SRRM2: variants seen among roughly 807,000 people sequenced by gnomAD.
SRRM2 encodes serine/arginine repetitive matrix 2.
In SRRM2, 30 loss-of-function variants were observed where a neutral mutation model predicts 213.8. The observed-to-expected ratio is 0.14, with a 90% confidence interval of 0.10 to 0.19. The LOEUF is 0.19. Ranked by LOEUF, SRRM2 falls within the 10% of genes least tolerant of loss-of-function variation. The pLI is 1.00. For missense variants in SRRM2, 4,904 were observed against 3,647.0 expected, an observed-to-expected ratio of 1.34 and a Z score of -8.88; for synonymous variants, 2,025 against 1,377.7, an observed-to-expected ratio of 1.47 and a Z score of -10.40.
intron 8 of SRRM2, 71 bp downstream of exon 8, chr16:2,759,473 G>C: frequency 1.9e-6 from 3 of 1,599,772 alleles, no homozygotes; most frequent in African/African-American, 1.3e-5. Context: ...AGTTGAATGA[G>C]TTATGTCCCT....
Position 2,770,930 on chromosome 16 carries a change from C to G in SRRM2, c.*63C>G. 1 of 1,606,478 alleles carries G rather than the reference C, an allele frequency of 6.2e-7. No homozygotes were observed. Among genetic ancestry groups the G allele is most frequent in the Middle Eastern group, 1.9e-4 (1 of 5,226 alleles). ...GAGCCACAAGGAGTGTCCCTTCTTC[C>G]CCAGCAGAGCCGTGGGAGGGTCCTT... On this transcript the variant is annotated 3_prime_UTR_variant, in exon 15 of 15. Coordinates refer to ENST00000301740, the MANE Select transcript of SRRM2 (RefSeq NM_016333.4).
Position 2,765,935 on chromosome 16 carries a change from C to T in SRRM2, c.5407C>T (p.Arg1803Trp), listed in dbSNP as rs200295693. 40 of 1,614,166 alleles carry T rather than the reference C, an allele frequency of 2.5e-5. No homozygotes were observed. The highest frequency in any genetic ancestry group is 1.5e-4 in the Admixed American group (9 of 60,020). The change falls in exon 11 of 15, where the codon CGG becomes TGG. Residue 1803 changes from arginine to tryptophan, a missense_variant. By Grantham distance (101) the Arg-to-Trp change is moderately radical. Coordinates refer to ENST00000301740, the MANE Select transcript of SRRM2 (RefSeq NM_016333.4). Reference sequence around the variant, plus strand: ...TCAGTCAACCTCTCGGCGAAGACAGCGGAGCCGGTCAAGGTCGCGGGTTAC... The same window carrying T: ...TCAGTCAACCTCTCGGCGAAGACAGTGGAGCCGGTCAAGGTCGCGGGTTAC... ...SSQSTSRRRQ[R>W]SRSRSRVTRR...
rs558383534 is a variant in SRRM2 at position 2,762,130 on chromosome 16, T to C, written c.1602T>C (p.Ser534=). 50 of 1,613,250 alleles carry C rather than the reference T, an allele frequency of 3.1e-5. No individual in the cohort carries two copies. In the South Asian group the frequency reaches 5.2e-4, roughly 17 times the overall value. ...RSRSPQRRGR[S]RSPQRPGWSR... is the part of the protein sequence containing the mutation. ...GAAGCCCCCAGCGACGTGGCCGCTC[T>C]AGGTCTCCTCAGCGACCAGGCTGGT... Residue 534 remains serine, a synonymous_variant, in exon 11 of 15, where the codon TCT becomes TCC. Coordinates refer to ENST00000301740, the MANE Select transcript of SRRM2 (RefSeq NM_016333.4).
intron 6 of SRRM2, 24 bp downstream of exon 6, chr16:2,759,071 G>A (rs1010417607): frequency 3.7e-6 from 6 of 1,614,166 alleles, no homozygotes; most frequent in Non-Finnish European, 4.2e-6. Flanking sequence ...ATACTTGAAT[G>A]ACTGGAGAAG....
rs1312896788 is a variant in SRRM2 at position 2,760,303 on chromosome 16, C to G, written c.836C>G (p.Ser279Cys). The stretch of plus-strand genomic sequence containing the variant: ...ACGTCCTCAATTAACTCCTGCAGGT[C>G]TCGAAGTGCTGCAGCTAAAACTCAT... ...ASSSDTSRSR[S>C]RSAAAKTHTT... Residue 279 changes from serine to cysteine, a missense_variant and splice_region_variant, in exon 10 of 15, where the codon TCT (serine) becomes TGT (cysteine). By Grantham distance (112) the Ser-to-Cys change is moderately radical. Transcript: ENST00000301740. 1.2e-6 allele frequency: 2 copies of G among 1,612,760 alleles called. No individual in the cohort carries two copies. Among genetic ancestry groups the G allele is most frequent in the Non-Finnish European group, 1.7e-6 (2 of 1,179,846 alleles).
At position 2,757,784 on chromosome 16, in the gene SRRM2, C is replaced by A; in HGVS notation, c.354C>A (p.Val118=). ...KEETPGQRPA[V]TETHQLAELN... is the part of the protein sequence containing the mutation. Reference sequence around the variant, plus strand: ...CTTTTGCCCTTCTTTTCTCTAGGGTCACGGAGACTCACCAGTTGGCAGAAT... The same window carrying A: ...CTTTTGCCCTTCTTTTCTCTAGGGTAACGGAGACTCACCAGTTGGCAGAAT... The change falls in exon 4 of 15, where the codon GTC becomes GTA. Residue 118 remains valine, a synonymous_variant. Transcript: ENST00000301740. The A allele has an allele frequency of 1.2e-6, 2 of 1,613,962 alleles. No homozygotes were observed. The highest frequency in any genetic ancestry group is 1.1e-5 in the South Asian group (1 of 91,060).
Position 2,766,817 on chromosome 16 carries a change from A to G in SRRM2, c.6289A>G (p.Arg2097Gly). 6.2e-7 allele frequency: 1 copy of G among 1,614,108 alleles called. No individual in the cohort carries two copies. Among genetic ancestry groups the G allele is most frequent in the Non-Finnish European group, 8.5e-7 (1 of 1,180,012 alleles). The change falls in exon 11 of 15, where the codon AGA (arginine) becomes GGA (glycine). Residue 2097 changes from arginine to glycine, a missense_variant. Coordinates refer to ENST00000301740, the MANE Select transcript of SRRM2 (RefSeq NM_016333.4). The surrounding 1 kb of genome is among the most constrained non-coding windows in gnomAD (Gnocchi z 7.0). ...RSRSATPPAT[R>G]NHSGSRTPPV... ...ACGATCTGCTACTCCTCCAGCAACAAGAAATCATTCTGGTTCACGGACACC... is the reference window on the plus strand; with the variant it reads ...ACGATCTGCTACTCCTCCAGCAACAGGAAATCATTCTGGTTCACGGACACC...
intron 1 of SRRM2, among the ~76,000 whole-genome samples, chr16:2,754,162 T>C (rs1377527108): frequency 6.6e-6 from 1 of 152,188 alleles, no homozygotes; most frequent in Non-Finnish European, 1.5e-5. Context: ...TCCTACTTTC[T>C]GTGTCTTAAC....
At position 2,764,547 on chromosome 16, in the gene SRRM2, G is replaced by A. The variant is rs750586569; in HGVS notation, c.4019G>A (p.Gly1340Asp). 12 of 1,614,092 alleles carry A rather than the reference G, an allele frequency of 7.4e-6. No homozygotes were observed. Among genetic ancestry groups the A allele is most frequent in the East Asian group, 2.2e-5 (1 of 44,904 alleles). Residue 1340 changes from glycine to aspartate, a missense_variant, in exon 11 of 15, where the codon GGT becomes GAT. Physicochemically the swap from Gly to Asp is moderately conservative, Grantham distance 94. Transcript: ENST00000301740. ...GAATTTAGAAACTCAGGCCCACTTG[G>A]TACAGAAATGAATACTGGATTTTCT... ...PLEFRNSGPL[G>D]TEMNTGFSSE...
At chr16:2,760,184 C>T (rs2068288743) in intron 9 of SRRM2, 117 bp from the exon 10 acceptor site, 1 of 1,020,810 alleles carries the variant, frequency 9.8e-7, no homozygotes, top group Admixed American at 2.2e-5. Flanking sequence ...CGACTAAAGG[C>T]TTTTTGGAAG....
intron 3 of SRRM2, 97 bp from the exon 4 acceptor site, chr16:2,757,684 C>G: frequency 6.3e-7 from 1 of 1,581,614 alleles, no homozygotes; most frequent in Admixed American, 1.8e-5. Flanking sequence ...TTTCGTCTGC[C>G]TTTCCCATGC....
chr16:2,758,645 A>C, intron 5 of SRRM2, 98 bp downstream of exon 5: 1 of 1,219,284 alleles, frequency 8.2e-7, no homozygotes, highest in South Asian at 1.2e-5. Context: ...ACAAAGCAGG[A>C]GATAGTTGTC....
At position 2,769,682 on chromosome 16, in the gene SRRM2, G is replaced by T. The variant is rs745391479; in HGVS notation, c.8021+398G>T. 23 of 505,384 alleles carry T rather than the reference G, an allele frequency of 4.6e-5. 1 individual carries two copies. Among genetic ancestry groups the T allele is most frequent in the South Asian group, 3.4e-4 (22 of 65,036 alleles). The allele number at this position is 505,384 out of a possible 1,614,324, so 31.3% of individuals were successfully genotyped here. A position where few individuals can be genotyped will look rare whatever the true frequency, so the allele number is the denominator to read the frequency against. On this transcript the variant is annotated intron_variant, in intron 12 of 14. Coordinates refer to ENST00000301740, the MANE Select transcript of SRRM2 (RefSeq NM_016333.4). ...ATTCTCTTCCACATGTAGCCAGAGG[G>T]ACCTTTCTAAAACGCACATCTGGCT...
In SRRM2 at chr16:2,752,707, A is replaced by G; in HGVS notation, c.-171A>G. 2.9e-6 allele frequency: 1 copy of G among 346,260 alleles called. No homozygotes were observed. The highest frequency in any genetic ancestry group is 5.8e-6 in the Non-Finnish European group (1 of 173,904). 21.4% of individuals were successfully genotyped at this position (346,260 alleles called of 1,614,324 possible). ...TTGGAGCCCGTTGCGGCCCCTGAGG[A>G]AGCGAGGAGGCGTCGGCGTCGGCTG... On this transcript the variant is annotated 5_prime_UTR_variant, in exon 1 of 15. Transcript: ENST00000301740.
Position 2,763,153 on chromosome 16 carries a change from A to G in SRRM2, c.2625A>G (p.Ser875=), listed in dbSNP as rs777845679. Residue 875 remains serine (S), a synonymous_variant, in exon 11 of 15, where the codon TCA becomes TCG. Coordinates refer to ENST00000301740, the MANE Select transcript of SRRM2 (RefSeq NM_016333.4). ...CACAGAGACGGAGCTGTTTTGAATC[A>G]TCACCTGACCCTGAGTTGAAATCTA... is the stretch of plus-strand genomic sequence containing the variant. ...VTPQRRSCFE[S]SPDPELKSRT... 1.2e-6 allele frequency: 2 copies of G among 1,614,034 alleles called. No homozygotes were observed. The highest frequency in any genetic ancestry group is 1.1e-5 in the South Asian group (1 of 91,082).
Position 2,767,488 on chromosome 16 carries a change from T to C in SRRM2, c.6960T>C (p.Ala2320=). The change falls in exon 11 of 15, where the codon GCT becomes GCC. Residue 2320 remains alanine (A), a synonymous_variant. Coordinates refer to ENST00000301740, the MANE Select transcript of SRRM2 (RefSeq NM_016333.4). ...CAGGCTCTGGCACACCACCAACTGC[T>C]GCAAACTATCCCTCCAGCTCCAGAA... is the stretch of plus-strand genomic sequence containing the variant. ...SLTGSGTPPT[A]ANYPSSSRTP... is the part of the protein sequence containing the mutation. The C allele has an allele frequency of 6.2e-7, 1 of 1,614,172 alleles. No homozygotes were observed. Among genetic ancestry groups the C allele is most frequent in the Non-Finnish European group, 8.5e-7 (1 of 1,180,022 alleles).
chr16:2,756,607 G>T lies in SRRM2; in HGVS notation c.242+1G>T. Reference sequence around the variant, plus strand: ...TGGAGGAGATGATGGAAGAGCAGGGGTGAGGGAGAGCTGGGGGAGAGTCAA... The same window carrying T: ...TGGAGGAGATGATGGAAGAGCAGGGTTGAGGGAGAGCTGGGGGAGAGTCAA... On this transcript the variant is annotated splice_donor_variant, in intron 2 of 14. Coordinates refer to ENST00000301740, the MANE Select transcript of SRRM2 (RefSeq NM_016333.4). LOFTEE classifies it high-confidence loss of function. The T allele has an allele frequency of 1.2e-6, 2 of 1,610,998 alleles. No homozygotes were observed. Among genetic ancestry groups the T allele is most frequent in the Non-Finnish European group, 1.7e-6 (2 of 1,178,318 alleles).
At position 2,763,163 on chromosome 16, in the gene SRRM2, C is replaced by G. The variant is rs780376380; in HGVS notation, c.2635C>G (p.Pro879Ala). ...GAGCTGTTTTGAATCATCACCTGAC[C>G]CTGAGTTGAAATCTAGGACCCCTTC... ...RRSCFESSPD[P>A]ELKSRTPSRH... is the part of the protein sequence containing the mutation. Residue 879 changes from proline (P) to alanine (A), a missense_variant, in exon 11 of 15, where the codon CCT becomes GCT. Transcript: ENST00000301740. 1.2e-6 allele frequency: 2 copies of G among 1,614,116 alleles called. No homozygotes were observed. The highest frequency in any genetic ancestry group is 2.2e-5 in the South Asian group (2 of 91,062).
At position 2,756,471 on chromosome 16, in the gene SRRM2, A is replaced by T; in HGVS notation, c.107A>T (p.Tyr36Phe). ...VRGRRGERPD[Y>F]KGEEELRRLE... ...GGCCGCCGGGGTGAGCGGCCTGACT[A>T]CAAGGGAGAGGAGGAACTGCGGCGC... is the stretch of plus-strand genomic sequence containing the variant. The change falls in exon 2 of 15, where the codon TAC becomes TTC. Residue 36 changes from tyrosine (Y) to phenylalanine (F), a missense_variant. By Grantham distance (22) the Tyr-to-Phe change is conservative. Coordinates refer to ENST00000301740, the MANE Select transcript of SRRM2 (RefSeq NM_016333.4). 1 of 1,613,750 alleles carries T rather than the reference A, an allele frequency of 6.2e-7. No homozygotes were observed. The highest frequency in any genetic ancestry group is 8.5e-7 in the Non-Finnish European group (1 of 1,179,862).
Sources: allele counts gnomAD v4.1 joint callset (sites outside exome capture counted in the v4.1 genomes callset), GRCh38; gene constraint gnomAD v4.1.1; non-coding constraint Gnocchi (gnomAD v3.1); transcripts MANE v1.5; gene names NCBI Gene and HGNC (gene_info 2026-07-23, HGNC 2026-07-21).